The following SCHIP1 variants were observed in gnomAD, a reference collection of about 807,000 sequenced individuals.
SCHIP1 encodes the protein schwannomin-interacting protein 1.
In SCHIP1, 8 loss-of-function variants were observed where a neutral mutation model predicts 29.7. The ratio of observed to expected loss-of-function variants is 0.27; its 90% CI spans 0.16 to 0.49. The LOEUF (loss-of-function observed/expected upper bound fraction) is 0.49, where lower values mean the gene tolerates loss of function less well. Ranked by LOEUF, SCHIP1 falls within the 20% of genes least tolerant of loss-of-function variation. The pLI is 0.99. For missense variants in SCHIP1, 193 were observed against 294.6 expected, an observed-to-expected ratio of 0.66 and a Z score of 2.52; for synonymous variants, 76 against 94.9, an observed-to-expected ratio of 0.80 and a Z score of 1.16.
chr3:159,635,104 T>G, the SCHIP1 span, among the ~76,000 whole-genome samples: 22 of 152,344 alleles, frequency 1.4e-4, no homozygotes, highest in African/African-American at 5.3e-4. Context: ...TTCCTCTTAC[T>G]CTGCTTTTTA....
At chr3:159,629,723 A>G in the SCHIP1 span, among the ~76,000 whole-genome samples, 2 of 152,218 alleles carry the variant, frequency 1.3e-5, no homozygotes, top group African/African-American at 2.4e-5. Context: ...CCTGGGCCTC[A>G]TTTATGTTTA....
chr3:159,711,211 A>AAAAATGTTTTCCACCAAGCTTCGGG, the SCHIP1 span, among the ~76,000 whole-genome samples: 2 of 129,866 alleles, frequency 1.5e-5, no homozygotes, highest in African/African-American at 4.0e-5. Flanking sequence ...AATTTAAAAA[A>AAAAATGTTTTCCACCAAGCTTCGGG]TTAGCCGGGC....
chr3:159,623,469 C>A, the SCHIP1 span, among the ~76,000 whole-genome samples: 1 of 151,844 alleles, frequency 6.6e-6, no homozygotes, highest in Non-Finnish European at 1.5e-5. Context: ...CTACTAAAAA[C>A]ACAAAAATTA....
chr3:159,426,723 C>A, the SCHIP1 span, among the ~76,000 whole-genome samples: 1 of 152,140 alleles, frequency 6.6e-6, no homozygotes, highest in African/African-American at 2.4e-5. Flanking sequence ...TGGGCAGAGA[C>A]ACAACCAAAA....
At chr3:159,688,508 G>A in the SCHIP1 span, among the ~76,000 whole-genome samples, 190 of 152,236 alleles carry the variant, frequency 1.2e-3, no homozygotes, top group African/African-American at 4.5e-3. Context: ...CCCTTTGTCA[G>A]ATGGGTAGAT....
the SCHIP1 span, among the ~76,000 whole-genome samples, chr3:159,397,732 G>A: frequency 1.2e-4 from 19 of 152,206 alleles, no homozygotes; most frequent in Admixed American, 1.2e-3. Context: ...AAAGCTGTCA[G>A]ACAGGGACAT....
the SCHIP1 span, among the ~76,000 whole-genome samples, chr3:159,647,976 A>C: frequency 6.7e-4 from 102 of 152,248 alleles, no homozygotes; most frequent in African/African-American, 2.4e-3. Flanking sequence ...AACAGGGAAG[A>C]GGCAAACCAC....
chr3:159,473,103 T>C, the SCHIP1 span, among the ~76,000 whole-genome samples: 1 of 152,186 alleles, frequency 6.6e-6, no homozygotes. Flanking sequence ...CCCAGATCCA[T>C]ATGAAACAGT....
the SCHIP1 span, among the ~76,000 whole-genome samples, chr3:159,563,435 T>A: frequency 4.6e-5 from 7 of 152,228 alleles, no homozygotes; most frequent in African/African-American, 1.7e-4. Flanking sequence ...TGTACAAATA[T>A]AATAAATACC....
At chr3:159,740,771 GAAAA>G in the SCHIP1 span, among the ~76,000 whole-genome samples, 12 of 104,912 alleles carry the variant, frequency 1.1e-4, no homozygotes, top group South Asian at 7.3e-4. Flanking sequence ...CAAAAAAAAA[GAAAA>G]AAAAAAAAAA....
the SCHIP1 span, among the ~76,000 whole-genome samples, chr3:159,519,324 T>C: frequency 6.6e-6 from 1 of 152,312 alleles, no homozygotes; most frequent in East Asian, 1.9e-4. Context: ...TTTGGCCAAG[T>C]CATTATAACT....
chr3:159,720,750 A>C, the SCHIP1 span, among the ~76,000 whole-genome samples: 1 of 151,846 alleles, frequency 6.6e-6, no homozygotes, highest in African/African-American at 2.4e-5. Context: ...CAGCCCAGCT[A>C]ATTTTTGTAT....
exon 7 of SCHIP1, chr3:159,897,204 C>A (rs1030548333): frequency 6.5e-6 from 1 of 153,072 alleles, no homozygotes; most frequent in African/African-American, 2.4e-5. Flanking sequence ...TGTAGCTCTC[C>A]GTAATATGTA....
the SCHIP1 span, among the ~76,000 whole-genome samples, chr3:159,730,258 C>T: frequency 1.3e-5 from 2 of 152,132 alleles, no homozygotes; most frequent in Non-Finnish European, 2.9e-5. Flanking sequence ...TGCCAAAATA[C>T]CTCAATCCAA....
At chr3:159,373,156 T>C in the SCHIP1 span, among the ~76,000 whole-genome samples, 1 of 151,882 alleles carries the variant, frequency 6.6e-6, no homozygotes, top group African/African-American at 2.4e-5. Flanking sequence ...AATATGCAAA[T>C]ATTTGAATTT....
the SCHIP1 span, among the ~76,000 whole-genome samples, chr3:159,685,457 A>G: frequency 6.6e-6 from 1 of 152,210 alleles, no homozygotes; most frequent in Non-Finnish European, 1.5e-5. Flanking sequence ...AGAATCAACG[A>G]CCCAAAATTT....
At chr3:159,531,270 A>G in the SCHIP1 span, among the ~76,000 whole-genome samples, 1 of 152,202 alleles carries the variant, frequency 6.6e-6, no homozygotes, top group Non-Finnish European at 1.5e-5. Flanking sequence ...AGCCATTCAA[A>G]TGATTCCTAG....
chr3:159,598,613 C>T, the SCHIP1 span, among the ~76,000 whole-genome samples: 1 of 152,162 alleles, frequency 6.6e-6, no homozygotes, highest in Non-Finnish European at 1.5e-5. Flanking sequence ...TTAGCAGGTA[C>T]AGCCCCTGCA....
At chr3:159,335,874 G>A in the SCHIP1 span, among the ~76,000 whole-genome samples, 2 of 152,180 alleles carry the variant, frequency 1.3e-5, no homozygotes, top group Admixed American at 6.5e-5. Flanking sequence ...TGGGATGGCT[G>A]CGTCAAATGG....
Sources: allele counts gnomAD v4.1 joint callset (sites outside exome capture counted in the v4.1 genomes callset), GRCh38; gene constraint gnomAD v4.1.1; transcripts MANE v1.5; gene names NCBI Gene and HGNC (gene_info 2026-07-23, HGNC 2026-07-21).